The following SLC44A5 variants were observed in gnomAD, a reference collection of about 807,000 sequenced individuals.
The protein encoded by SLC44A5 is choline transporter-like protein 5.
Under a neutral mutation model 101.8 loss-of-function variants are expected in SLC44A5, and 57 were observed. That is an observed-to-expected ratio of 0.56 (90% confidence interval 0.45 to 0.70). SLC44A5 has a LOEUF of 0.70. SLC44A5 is among the 30% of genes least tolerant of loss of function. The pLI is 0.00. For synonymous variants in SLC44A5, 281 were observed against 290.9 expected (o/e 0.97, Z 0.35); for missense variants, 737 against 853.1 (o/e 0.86, Z 1.70).
At chr1:75,219,225 A>G in intron 16 of SLC44A5, 32 bp downstream of exon 16, 1 of 1,383,034 alleles carries the variant, frequency 7.2e-7, no homozygotes, top group Non-Finnish European at 1.0e-6. Flanking sequence ...TCTATATTGA[A>G]GTAAGTAAAT....
At chr1:75,675,360 T>G in the SLC44A5 span, among the ~76,000 whole-genome samples, 1 of 152,168 alleles carries the variant, frequency 6.6e-6, no homozygotes, top group African/African-American at 2.4e-5. Context: ...GGTGTTTTAT[T>G]CTCTTTGTAG....
At chr1:75,340,217 A>C (rs572034753) in intron 3 of SLC44A5, among the ~76,000 whole-genome samples, 1 of 152,302 alleles carries the variant, frequency 6.6e-6, no homozygotes, top group East Asian at 1.9e-4. Context: ...TGCCCTTGTC[A>C]CTTTACTGCA....
At chr1:75,439,636 A>G (rs1665083925) in intron 2 of SLC44A5, among the ~76,000 whole-genome samples, 1 of 152,100 alleles carries the variant, frequency 6.6e-6, no homozygotes, top group Admixed American at 6.6e-5. Flanking sequence ...ACAGAAATAA[A>G]TAGATAATCC....
At chr1:75,529,704 G>A (rs1268030987) in intron 2 of SLC44A5, among the ~76,000 whole-genome samples, 1 of 152,142 alleles carries the variant, frequency 6.6e-6, no homozygotes, top group Non-Finnish European at 1.5e-5. Context: ...AGATCTCAGA[G>A]TCCTCATCTT....
intron 2 of SLC44A5, among the ~76,000 whole-genome samples, chr1:75,490,654 T>C (rs114460331): frequency 0.012 from 1,770 of 152,294 alleles, 37 homozygotes; most frequent in African/African-American, 0.041. Context: ...AGAGAAAAGT[T>C]TGTAAAAGAT....
At chr1:75,582,350 C>A (rs1484367435) in intron 1 of SLC44A5, 2 of 1,168,026 alleles carry the variant, frequency 1.7e-6, no homozygotes, top group South Asian at 1.3e-5. Flanking sequence ...GCCCAAGATC[C>A]CAAAGGGTGT....
At chr1:75,345,205 C>G (rs922037776) in intron 3 of SLC44A5, among the ~76,000 whole-genome samples, 1 of 152,098 alleles carries the variant, frequency 6.6e-6, no homozygotes, top group African/African-American at 2.4e-5. Context: ...ATCACCAACA[C>G]TAATTCAGTA....
the SLC44A5 span, among the ~76,000 whole-genome samples, chr1:75,682,351 AC>A: frequency 1.1e-4 from 17 of 152,174 alleles, no homozygotes; most frequent in African/African-American, 3.1e-4. Flanking sequence ...CTGACTTCAA[AC>A]TATACTACAA....
the SLC44A5 span, among the ~76,000 whole-genome samples, chr1:75,699,425 T>C: frequency 1.3e-5 from 2 of 151,698 alleles, no homozygotes; most frequent in African/African-American, 4.8e-5. Flanking sequence ...GAAGGAGAAA[T>C]AAAGTACTTT....
At chr1:75,266,076 C>T (rs568276238) in intron 6 of SLC44A5, among the ~76,000 whole-genome samples, 5 of 152,246 alleles carry the variant, frequency 3.3e-5, no homozygotes, top group African/African-American at 1.2e-4. Flanking sequence ...GGTGTTTCTC[C>T]TAGAGTCTTT....
At chr1:75,228,213 T>C (rs934575799) in intron 12 of SLC44A5, among the ~76,000 whole-genome samples, 4 of 152,160 alleles carry the variant, frequency 2.6e-5, no homozygotes, top group African/African-American at 9.7e-5. Context: ...GAATTTATGA[T>C]TATCCATTTA....
rs377416368 is a variant in SLC44A5, at chr1:75,424,869, C to A, written c.14-28248G>T. The stretch of plus-strand genomic sequence containing the variant: ...AAAAGTGAAGAATTTAGTGAGCCAA[C>A]TGTATTCCCCAACTCATCAAATAAC... On this transcript the variant is annotated intron_variant, in intron 2 of 23. Coordinates refer to ENST00000370859, the MANE Select transcript of SLC44A5 (RefSeq NM_001130058.2). Among the ~76,000 whole-genome samples, 76 of 152,222 alleles carry A rather than the reference C, an allele frequency of 5.0e-4. 1 individual carries two copies. Among genetic ancestry groups the A allele is most frequent in the Non-Finnish European group, 8.8e-5 (6 of 68,020 alleles).
intron 2 of SLC44A5, among the ~76,000 whole-genome samples, chr1:75,445,134 T>C (rs535448692): frequency 4.9e-4 from 74 of 152,250 alleles, no homozygotes; most frequent in Admixed American, 1.4e-3. Flanking sequence ...GTGGGCCTAG[T>C]GGGTGATGTA....
chr1:75,407,099 C>A (rs1446250970), intron 2 of SLC44A5, among the ~76,000 whole-genome samples: 1 of 152,090 alleles, frequency 6.6e-6, no homozygotes, highest in South Asian at 2.1e-4. Context: ...TGAGTGAACT[C>A]CAATTCACAA....
intron 10 of SLC44A5, 55 bp from the exon 11 acceptor site, chr1:75,237,125 A>G (rs533909091): frequency 2.8e-4 from 305 of 1,075,500 alleles, no homozygotes; most frequent in Non-Finnish European, 3.9e-4. Context: ...CTAAACAGAA[A>G]TGTTCTTTTT....
chr1:75,459,265 G>GA (rs1295015985), intron 2 of SLC44A5, among the ~76,000 whole-genome samples: 1 of 152,010 alleles, frequency 6.6e-6, no homozygotes, highest in East Asian at 1.9e-4. Flanking sequence ...CCCATGGAAA[G>GA]AAAAAATAAT....
the SLC44A5 span, among the ~76,000 whole-genome samples, chr1:75,655,491 G>A: frequency 6.6e-6 from 1 of 152,108 alleles, no homozygotes; most frequent in Admixed American, 6.5e-5. Flanking sequence ...CTGCATCCAG[G>A]CCATAGTAAC....
chr1:75,486,390 T>C (rs967817342), intron 2 of SLC44A5, among the ~76,000 whole-genome samples: 3 of 152,340 alleles, frequency 2.0e-5, no homozygotes, highest in East Asian at 1.9e-4. Context: ...TTTGTTCTGT[T>C]TTTAAATGAA....
the SLC44A5 span, among the ~76,000 whole-genome samples, chr1:75,647,302 C>A: frequency 6.6e-6 from 1 of 152,224 alleles, no homozygotes; most frequent in African/African-American, 2.4e-5. Flanking sequence ...GTTTGGGAAC[C>A]TCCACCTAAA....
Sources: gnomAD v4.1 joint callset for allele counts (sites outside exome capture counted in the v4.1 genomes callset) on GRCh38, gnomAD v4.1.1 for gene constraint, MANE v1.5 for transcripts, NCBI Gene and HGNC (gene_info 2026-07-23, HGNC 2026-07-21) for gene names.